MMP16: variants seen among roughly 807,000 people sequenced by gnomAD.
The protein encoded by MMP16 is matrix metallopeptidase 16, also known as matrix metalloproteinase-16.
Under a neutral mutation model 67.8 loss-of-function variants are expected in MMP16, and 12 were observed. The ratio of observed to expected loss-of-function variants is 0.18; its 90% CI spans 0.11 to 0.29. The LOEUF is 0.29. Among genes scored for constraint, MMP16 ranks in the 10% least tolerant of loss-of-function variants. MMP16 has a pLI of 1.00. For missense variants in MMP16, 475 were observed against 765.7 expected (o/e 0.62, Z 4.48); for synonymous variants, 249 against 255.9 (o/e 0.97, Z 0.26).
chr8:88,045,789 C>A (rs1296016275), intron 9 of MMP16, among the ~76,000 whole-genome samples: 1 of 152,104 alleles, frequency 6.6e-6, no homozygotes, highest in Non-Finnish European at 1.5e-5. Context: ...GTTTGTCTTG[C>A]AAGAGATGCC....
intron 6 of MMP16, among the ~76,000 whole-genome samples, chr8:88,090,138 T>A (rs1551893): frequency 0.073 from 11,098 of 151,972 alleles, 428 homozygotes; most frequent in South Asian, 0.1. Context: ...AGAAATATAT[T>A]CCAATTTTTT....
chr8:88,143,781 G>A (rs1373772711), intron 4 of MMP16, among the ~76,000 whole-genome samples: 4 of 151,646 alleles, frequency 2.6e-5, no homozygotes, highest in Admixed American at 6.6e-5. Flanking sequence ...GAAATTAAGA[G>A]GTAGAAAAGA....
At chr8:88,053,946 G>A (rs1461994874) in intron 8 of MMP16, among the ~76,000 whole-genome samples, 1 of 151,936 alleles carries the variant, frequency 6.6e-6, no homozygotes. Context: ...CTTTTCAAGC[G>A]GGGAGTAAAT....
chr8:88,096,996 C>A (rs535715916), intron 6 of MMP16, among the ~76,000 whole-genome samples: 1 of 151,806 alleles, frequency 6.6e-6, no homozygotes. Context: ...AAAAGACATT[C>A]CTAGGGCAAA....
rs373963580 is a variant in MMP16 at position 88,191,315 on chromosome 8, C to T, written c.282-4717G>A. ...TCTTTAAAGGAGATGATAATATTAC[C>T]TCTATTATTGGGTTATTGTGAAGAA... is the stretch of plus-strand genomic sequence containing the variant. On this transcript the variant is annotated intron_variant, in intron 2 of 9. Transcript: ENST00000286614. Among the ~76,000 whole-genome samples, 7 of 152,046 alleles carry T rather than the reference C, an allele frequency of 4.6e-5. No individual in the cohort carries two copies. In the East Asian group the frequency reaches 5.8e-4, roughly 13 times the overall value.
At chr8:88,266,996 C>T (rs1223410202) in intron 1 of MMP16, among the ~76,000 whole-genome samples, 2 of 152,036 alleles carry the variant, frequency 1.3e-5, no homozygotes, top group Non-Finnish European at 1.5e-5. Context: ...AATTAATATG[C>T]ATATAGAAGG....
chr8:88,147,092 T>C (rs1808306000), intron 4 of MMP16, among the ~76,000 whole-genome samples: 1 of 152,016 alleles, frequency 6.6e-6, no homozygotes, highest in South Asian at 2.1e-4. Flanking sequence ...TGGTTACTGA[T>C]ATGTTTGAAA....
At chr8:88,260,847 C>T (rs547749826) in intron 1 of MMP16, among the ~76,000 whole-genome samples, 1 of 152,062 alleles carries the variant, frequency 6.6e-6, no homozygotes, top group East Asian at 1.9e-4. Flanking sequence ...AACCATTGAC[C>T]ACCAGACTTC....
chr8:88,239,571 G>T (rs1423737601), intron 1 of MMP16, among the ~76,000 whole-genome samples: 1 of 151,342 alleles, frequency 6.6e-6, no homozygotes, highest in Non-Finnish European at 1.5e-5. Context: ...AAAATGGGTA[G>T]AGAATTAAGC....
At chr8:88,221,116 T>A (rs1181633977) in intron 1 of MMP16, among the ~76,000 whole-genome samples, 1 of 151,632 alleles carries the variant, frequency 6.6e-6, no homozygotes. Flanking sequence ...GGCACAGAGA[T>A]GAGGTACCAA....
intron 4 of MMP16, among the ~76,000 whole-genome samples, chr8:88,163,106 G>A (rs140267958): frequency 5.8e-4 from 88 of 152,170 alleles, no homozygotes; most frequent in African/African-American, 2.1e-3. Context: ...CTGTGCAGAC[G>A]TAAACCTGCT....
intron 3 of MMP16, among the ~76,000 whole-genome samples, chr8:88,172,104 C>T (rs1026989793): frequency 1.3e-5 from 2 of 152,126 alleles, no homozygotes; most frequent in African/African-American, 4.8e-5. Flanking sequence ...AGGCGTGTGC[C>T]ACCGTGCCCG....
chr8:88,092,789 GT>G (rs1808959847), intron 6 of MMP16, among the ~76,000 whole-genome samples: 1 of 151,720 alleles, frequency 6.6e-6, no homozygotes, highest in Non-Finnish European at 1.5e-5. Flanking sequence ...TATTTACCAA[GT>G]TTTATATCGA....
intron 2 of MMP16, among the ~76,000 whole-genome samples, chr8:88,190,835 C>T (rs1007971561): frequency 6.6e-5 from 10 of 151,580 alleles, no homozygotes; most frequent in East Asian, 1.9e-4. Flanking sequence ...ACTTTTTTTG[C>T]GACAGTGTCA....
chr8:88,294,270 C>CTATA (rs1258154224), intron 1 of MMP16, among the ~76,000 whole-genome samples: 1 of 145,646 alleles, frequency 6.9e-6, no homozygotes, highest in Non-Finnish European at 1.5e-5. Context: ...GTGTGTATAT[C>CTATA]TATATATACA....
intron 7 of MMP16, among the ~76,000 whole-genome samples, chr8:88,066,115 A>G (rs1808460010): frequency 1.3e-5 from 2 of 152,130 alleles, no homozygotes; most frequent in South Asian, 4.1e-4. Flanking sequence ...CCTTTCAGCT[A>G]CTTGATTTTA....
Position 88,327,255 on chromosome 8 carries a change from TCTCTCC to T in MMP16, c.-55_-50del, listed in dbSNP as rs755487647. The T allele has an allele frequency of 2.0e-5, 32 of 1,609,268 alleles. No individual in the cohort carries two copies. The highest frequency in any genetic ancestry group is 2.7e-5 in the Non-Finnish European group (32 of 1,177,000). On this transcript the variant is annotated 5_prime_UTR_variant, in exon 1 of 10. Coordinates refer to ENST00000286614, the MANE Select transcript of MMP16 (RefSeq NM_005941.5). ...GACGAGCTCCCCTTCGTTTTCTCCC[TCTCTCC>T]CTCTCCCTCCCTCCCTCGTTTCCTT...
chr8:88,307,633 G>A (rs779167091), intron 1 of MMP16, among the ~76,000 whole-genome samples: 1 of 151,862 alleles, frequency 6.6e-6, no homozygotes, highest in Non-Finnish European at 1.5e-5. Flanking sequence ...GAAAACAAAT[G>A]AGTCTCCATT....
At chr8:88,256,222 T>C (rs1810298498) in intron 1 of MMP16, among the ~76,000 whole-genome samples, 1 of 152,196 alleles carries the variant, frequency 6.6e-6, no homozygotes, top group African/African-American at 2.4e-5. Flanking sequence ...TTGTTTTCTT[T>C]ATCAAAGACA....
Sources: gnomAD v4.1 joint callset for allele counts (sites outside exome capture counted in the v4.1 genomes callset) on GRCh38, gnomAD v4.1.1 for gene constraint, MANE v1.5 for transcripts, NCBI Gene and HGNC (gene_info 2026-07-23, HGNC 2026-07-21) for gene names.